SPOCD1: variants seen among roughly 807,000 people sequenced by gnomAD.
SPOCD1 encodes SPOC domain containing 1.
Under a neutral mutation model 92.2 loss-of-function variants are expected in SPOCD1, and 64 were observed. That is an observed-to-expected ratio of 0.69 (90% CI 0.57 to 0.86). The LOEUF (loss-of-function observed/expected upper bound fraction) is 0.86. Ranked by LOEUF, SPOCD1 falls within the 40% of genes least tolerant of loss-of-function variation. The probability of loss-of-function intolerance (pLI) is 0.00; values close to 1 mark genes in which losing one functional copy is unlikely to be tolerated. For missense variants in SPOCD1, 1,360 were observed against 1,543.1 expected, an observed-to-expected ratio of 0.88 and a Z score of 1.99; for synonymous variants, 578 against 619.3, an observed-to-expected ratio of 0.93 and a Z score of 0.99.
chr1:31,804,802 TA>T (rs941661249), intron 2 of SPOCD1, among the ~76,000 whole-genome samples: 4 of 150,982 alleles, frequency 2.6e-5, no homozygotes, highest in East Asian at 1.9e-4. Flanking sequence ...GGGGATTTTT[TA>T]AAAAAAAAGA....
chr1:31,791,938 C>A (rs932942398), intron 15 of SPOCD1, among the ~76,000 whole-genome samples: 2 of 152,254 alleles, frequency 1.3e-5, no homozygotes, highest in Admixed American at 6.5e-5. Context: ...TCAGATTCTT[C>A]TTCTATGAGA....
In SPOCD1 at chr1:31,800,002, G is replaced by GCAGAACAA. The variant is rs761738947; in HGVS notation, c.1728+6_1728+13dup. On this transcript the variant is annotated intron_variant, in intron 5 of 15. Coordinates refer to ENST00000360482, the MANE Select transcript of SPOCD1 (RefSeq NM_144569.7). ...CCAGTGAAGGAGGCACATGGCCGGG[G>GCAGAACAA]CAGAACAACTTGCCTGGGAACATGC... 1.2e-6 allele frequency: 2 copies of GCAGAACAA among 1,611,816 alleles called. No homozygotes were observed. Among genetic ancestry groups the GCAGAACAA allele is most frequent in the African/African-American group, 2.7e-5 (2 of 74,974 alleles).
Position 31,793,871 on chromosome 1 carries a change from C to T in SPOCD1, c.2410G>A (p.Gly804Ser). 1.2e-6 allele frequency: 2 copies of T among 1,613,228 alleles called. No homozygotes were observed. Among genetic ancestry groups the T allele is most frequent in the Non-Finnish European group, 1.7e-6 (2 of 1,179,270 alleles). ...KDWEPSNELL[G>S]SFEAAKSCGD... The stretch of plus-strand genomic sequence containing the variant: ...CAGCTCTTGGCGGCTTCGAAGGAGC[C>T]TAGCAGCTCATTCGAGGGCTCCCAG... Residue 804 changes from glycine to serine, a missense_variant, in exon 12 of 16, where the codon GGC becomes AGC. Gly to Ser is a moderately conservative substitution (Grantham distance 56). This residue lies in a region of SPOCD1 where 614 missense variants were observed against 757.8 expected (regional missense o/e 0.81). Coordinates refer to ENST00000360482, the MANE Select transcript of SPOCD1 (RefSeq NM_144569.7).
At chr1:31,809,572 C>T (rs1649063127) in intron 2 of SPOCD1, among the ~76,000 whole-genome samples, 1 of 151,318 alleles carries the variant, frequency 6.6e-6, no homozygotes. Flanking sequence ...ATGGAGTCAA[C>T]AAATAAATAA....
intron 2 of SPOCD1, among the ~76,000 whole-genome samples, chr1:31,802,178 C>T (rs566230854): frequency 4.6e-5 from 7 of 152,034 alleles, no homozygotes; most frequent in Non-Finnish European, 7.4e-5. Flanking sequence ...AAAAAAAAGG[C>T]CCATCAAAGG....
In SPOCD1 at chr1:31,790,512, A is replaced by C. The variant is rs1570139072; in HGVS notation, c.*91T>G. On this transcript the variant is annotated 3_prime_UTR_variant, in exon 16 of 16. Transcript: ENST00000360482. Reference sequence around the variant, plus strand: ...CAAACAGGGCAGGTGGGTAGGGCTGACCATCCTCTCCTTGCAGTCCCACCT... The same window carrying C: ...CAAACAGGGCAGGTGGGTAGGGCTGCCCATCCTCTCCTTGCAGTCCCACCT... The C allele has an allele frequency of 3.3e-6, 4 of 1,204,086 alleles. No individual in the cohort carries two copies. The highest frequency in any genetic ancestry group is 4.6e-6 in the Non-Finnish European group (4 of 861,090). 74.6% of individuals were successfully genotyped at this position (1,204,086 alleles called of 1,614,324 possible).
In SPOCD1 at chr1:31,798,752, C is replaced by G. The variant is rs774091473; in HGVS notation, c.1869-151G>C. On this transcript the variant is annotated intron_variant, in intron 7 of 15. Coordinates refer to ENST00000360482, the MANE Select transcript of SPOCD1 (RefSeq NM_144569.7). This position sits in a 1 kb window ranked among gnomAD's most constrained non-coding sequence, Gnocchi z 4.1. ...CTGCAGGAACCTACTTATTCTCACC[C>G]CAACTCCGTGAGGAGGAAATAGGAT... 1.3e-6 allele frequency: 1 copy of G among 752,806 alleles called. No individual in the cohort carries two copies. 46.6% of individuals were successfully genotyped at this position (752,806 alleles called of 1,614,324 possible). A position where few individuals can be genotyped will look rare whatever the true frequency, so the allele number is the denominator to read the frequency against.
chr1:31,805,364 G>A (rs1648753110), intron 2 of SPOCD1, among the ~76,000 whole-genome samples: 1 of 152,070 alleles, frequency 6.6e-6, no homozygotes, highest in African/African-American at 2.4e-5. Context: ...GGATAAAAAG[G>A]AGTAAGAAAA....
intron 10 of SPOCD1, 175 bp from the exon 11 acceptor site, chr1:31,794,410 TAAAAAG>T (rs1647849637): frequency 2.1e-6 from 1 of 487,674 alleles, no homozygotes; most frequent in Non-Finnish European, 3.6e-6. Flanking sequence ...ACTTGAAAAT[TAAAAAG>T]AAAATCACTT....
chr1:31,804,952 T>C (rs1648715752), intron 2 of SPOCD1, among the ~76,000 whole-genome samples: 1 of 150,534 alleles, frequency 6.6e-6, no homozygotes, highest in African/African-American at 2.4e-5. Flanking sequence ...AGTTAGTTAT[T>C]TGTGCTCAAA....
chr1:31,809,698 T>C (rs1649074193), intron 2 of SPOCD1, among the ~76,000 whole-genome samples: 1 of 152,218 alleles, frequency 6.6e-6, no homozygotes, highest in Non-Finnish European at 1.5e-5. Flanking sequence ...AGCATGAAGA[T>C]AATACCAGTA....
chr1:31,798,113 T>C lies in SPOCD1; in HGVS notation c.2145+94A>G, dbSNP rs1316361890. The C allele has an allele frequency of 2.2e-6, 2 of 928,392 alleles. No homozygotes were observed. The highest frequency in any genetic ancestry group is 3.5e-6 in the Non-Finnish European group (2 of 564,982). 57.5% of individuals were successfully genotyped at this position (928,392 alleles called of 1,614,324 possible). A position where few individuals can be genotyped will look rare whatever the true frequency, so the allele number is the denominator to read the frequency against. ...TCTGTCTTTCTGAATTCCTCCTCCC[T>C]CCCTCCCTGTCTCTGTCTCTCCCTC... On this transcript the variant is annotated intron_variant, in intron 9 of 15. Coordinates refer to ENST00000360482, the MANE Select transcript of SPOCD1 (RefSeq NM_144569.7). This position sits in a 1 kb window ranked among gnomAD's most constrained non-coding sequence, Gnocchi z 4.1.
chr1:31,791,295 C>G lies in SPOCD1; in HGVS notation c.2963-4G>C, dbSNP rs910944253. 4 of 1,507,640 alleles carry G rather than the reference C, an allele frequency of 2.7e-6. No homozygotes were observed. The highest frequency in any genetic ancestry group is 3.5e-6 in the Non-Finnish European group (4 of 1,127,802). The allele number at this position is 1,507,640 out of a possible 1,614,324, so 93.4% of individuals were successfully genotyped here. A position where few individuals can be genotyped will look rare whatever the true frequency, so the allele number is the denominator to read the frequency against. On this transcript the variant is annotated splice_polypyrimidine_tract_variant and splice_region_variant and intron_variant, in intron 15 of 15. Coordinates refer to ENST00000360482, the MANE Select transcript of SPOCD1 (RefSeq NM_144569.7). ...GAGACAGGAAGAGCCCAAAGGCCTG[C>G]GGGGAAGAACTGTGTTCAGCTTAGC...
At chr1:31,793,518 C>T (rs1402519485) in intron 12 of SPOCD1, 90 bp from the exon 13 acceptor site, 2 of 1,529,122 alleles carry the variant, frequency 1.3e-6, no homozygotes, top group Admixed American at 3.9e-5. Context: ...GATCCTGTGT[C>T]CCTACTGTGG....
chr1:31,805,063 C>T (rs529112088), intron 2 of SPOCD1, among the ~76,000 whole-genome samples: 1 of 146,976 alleles, frequency 6.8e-6, no homozygotes, highest in Admixed American at 7.1e-5. Context: ...CTCACTGCAA[C>T]CTCCACTTCC....
intron 4 of SPOCD1, 130 bp from the exon 5 acceptor site, chr1:31,800,271 A>G: frequency 6.7e-7 from 1 of 1,481,512 alleles, no homozygotes; most frequent in Non-Finnish European, 9.0e-7. Flanking sequence ...AGAAAGTAGT[A>G]CACATGGAGC....
intron 3 of SPOCD1, 116 bp downstream of exon 3, chr1:31,801,548 G>T: frequency 1.1e-6 from 1 of 874,886 alleles, no homozygotes; most frequent in Non-Finnish European, 1.9e-6. Flanking sequence ...GATCCACTGG[G>T]GGAGGGCAGG....
chr1:31,808,374 A>C (rs1016474461), intron 2 of SPOCD1, among the ~76,000 whole-genome samples: 7 of 151,648 alleles, frequency 4.6e-5, no homozygotes, highest in Non-Finnish European at 7.4e-5. Context: ...AATTAACGTT[A>C]ATAAATTCGA....
At chr1:31,800,312 C>G (rs1308350560) in intron 4 of SPOCD1, 129 bp downstream of exon 4, 14 of 1,431,176 alleles carry the variant, frequency 9.8e-6, no homozygotes, top group Non-Finnish European at 1.0e-5. Context: ...GGGGCCGAAC[C>G]CTGCCTCTGG....
Sources: gnomAD v4.1 joint callset for allele counts (sites outside exome capture counted in the v4.1 genomes callset) on GRCh38, gnomAD v4.1.1 for gene constraint, gnomAD v4.1.1 regional missense constraint, Gnocchi (gnomAD v3.1) non-coding constraint, MANE v1.5 for transcripts, NCBI Gene and HGNC (gene_info 2026-07-23, HGNC 2026-07-21) for gene names.